Variants in KAZN observed in about 807,000 individuals in gnomAD.
KAZN encodes kazrin, periplakin interacting protein, also known as kazrin.
A neutral mutation model predicts 87.4 loss-of-function variants in KAZN; 40 were observed. The observed-to-expected ratio is 0.46, with a 90% CI of 0.36 to 0.60. The LOEUF is 0.60. Ranked by LOEUF, KAZN falls within the 20% of genes least tolerant of loss-of-function variation. KAZN has a pLI of 0.00. For missense variants in KAZN, 898 were observed against 1,073.9 expected (o/e 0.84, Z 2.29); for synonymous variants, 466 against 458.3 (o/e 1.02, Z -0.22).
At position 14,828,396 on chromosome 1, in the gene KAZN, G is replaced by A. The variant is rs979817213; in HGVS notation, c.227-132288G>A. Reference sequence around the variant, plus strand: ...TGTTGCAAATTATTAATGGAAAACCGTGTTTAAAAATTACAGCTATTATCG... The same window carrying A: ...TGTTGCAAATTATTAATGGAAAACCATGTTTAAAAATTACAGCTATTATCG... On this transcript the variant is annotated intron_variant, in intron 1 of 14. Coordinates refer to ENST00000376030, the MANE Select transcript of KAZN (RefSeq NM_201628.3). Among the ~76,000 whole-genome samples, 15 of 152,186 alleles carry A rather than the reference G, an allele frequency of 9.9e-5. No homozygotes were observed. In the South Asian group the frequency reaches 1.0e-3, roughly 11 times the overall value.
chr1:15,103,675 G>A (rs1641179318), intron 12 of KAZN, among the ~76,000 whole-genome samples: 1 of 151,394 alleles, frequency 6.6e-6, no homozygotes, highest in East Asian at 1.9e-4. Context: ...TTATTCAGGA[G>A]GAGGGAACTG....
intron 1 of KAZN, among the ~76,000 whole-genome samples, chr1:14,701,866 A>G (rs1355956594): frequency 1.3e-5 from 2 of 152,086 alleles, no homozygotes; most frequent in South Asian, 2.1e-4. Context: ...CACTGGCTGC[A>G]TTTCCTTACG....
chr1:14,913,050 A>G (rs1484180836), intron 1 of KAZN, among the ~76,000 whole-genome samples: 1 of 152,142 alleles, frequency 6.6e-6, no homozygotes, highest in East Asian at 1.9e-4. Flanking sequence ...TGATGGAAGG[A>G]GCTTGTTAAG....
chr1:15,016,797 T>C (rs1448907605), intron 2 of KAZN, among the ~76,000 whole-genome samples: 5 of 152,188 alleles, frequency 3.3e-5, no homozygotes. Flanking sequence ...ACATTCTTCC[T>C]CTCGGCATGT....
At chr1:13,966,520 G>A (rs1641951258) in intron 1 of KAZN, among the ~76,000 whole-genome samples, 1 of 152,172 alleles carries the variant, frequency 6.6e-6, no homozygotes, top group Admixed American at 6.5e-5. Context: ...TGACAAGGAA[G>A]CCCTGGCTTA....
intron 2 of KAZN, among the ~76,000 whole-genome samples, chr1:14,246,997 C>G (rs1028027294): frequency 6.6e-6 from 1 of 152,036 alleles, no homozygotes; most frequent in South Asian, 2.1e-4. Flanking sequence ...ATAGTTTGTT[C>G]GGTACTATAT....
At chr1:14,581,427 A>G (rs1675539930) in intron 2 of KAZN, among the ~76,000 whole-genome samples, 1 of 151,938 alleles carries the variant, frequency 6.6e-6, no homozygotes, top group Non-Finnish European at 1.5e-5. Context: ...TCTCGACTCC[A>G]TCACCACCTT....
chr1:15,089,694 C>T (rs1347809962), intron 8 of KAZN, among the ~76,000 whole-genome samples: 3 of 127,534 alleles, frequency 2.4e-5, no homozygotes, highest in Admixed American at 9.9e-5. Flanking sequence ...GCCATAGGTG[C>T]GTCTGGAGAG....
At chr1:14,504,034 G>A (rs997750599) in intron 2 of KAZN, among the ~76,000 whole-genome samples, 4 of 152,094 alleles carry the variant, frequency 2.6e-5, no homozygotes, top group Admixed American at 1.3e-4. Context: ...GCTGGCCTCC[G>A]AATTTTCACA....
intron 1 of KAZN, among the ~76,000 whole-genome samples, chr1:14,743,423 C>G (rs540019642): frequency 4.6e-5 from 6 of 131,678 alleles, no homozygotes; most frequent in Admixed American, 2.3e-4. Flanking sequence ...GAGCGAGACT[C>G]TGTCTCAAAA....
At chr1:14,645,882 T>A (rs1442060510) in intron 1 of KAZN, among the ~76,000 whole-genome samples, 1 of 152,192 alleles carries the variant, frequency 6.6e-6, no homozygotes, top group Non-Finnish European at 1.5e-5. Flanking sequence ...TGGCTGTGGA[T>A]TTGTCATAGA....
chr1:14,767,946 A>G (rs906927332), intron 1 of KAZN, among the ~76,000 whole-genome samples: 3 of 152,200 alleles, frequency 2.0e-5, no homozygotes, highest in South Asian at 2.1e-4. Context: ...GCAAAGTTCA[A>G]TCTTCCTTTC....
chr1:13,935,252 G>GTAGTAATAA (rs1553175647), intron 1 of KAZN, among the ~76,000 whole-genome samples: 6 of 147,078 alleles, frequency 4.1e-5, no homozygotes, highest in South Asian at 2.2e-4. Flanking sequence ...AGTAGTAGTA[G>GTAGTAATAA]TAATAATAAT....
At chr1:15,003,789 C>G (rs951618333) in intron 2 of KAZN, among the ~76,000 whole-genome samples, 6 of 152,174 alleles carry the variant, frequency 3.9e-5, no homozygotes, top group African/African-American at 1.4e-4. Context: ...GTTGGATACT[C>G]TTCCCCAGGT....
At chr1:14,664,810 C>A (rs528024466) in intron 1 of KAZN, among the ~76,000 whole-genome samples, 1 of 152,158 alleles carries the variant, frequency 6.6e-6, no homozygotes, top group Non-Finnish European at 1.5e-5. Context: ...CCCACCACCA[C>A]GCCTGGCTAA....
At chr1:14,901,829 CCT>C (rs886665101) in intron 1 of KAZN, among the ~76,000 whole-genome samples, 1 of 152,160 alleles carries the variant, frequency 6.6e-6, no homozygotes, top group Non-Finnish European at 1.5e-5. Flanking sequence ...CAGGGTTCCG[CCT>C]CTGTCTTTCT....
intron 1 of KAZN, among the ~76,000 whole-genome samples, chr1:14,647,918 C>A (rs138687724): frequency 5.8e-4 from 88 of 152,296 alleles, no homozygotes; most frequent in African/African-American, 2.1e-3. Flanking sequence ...ATTCTCCATT[C>A]GTTTCCTGTC....
At chr1:14,455,763 GAGGAA>G (rs1235314139) in intron 2 of KAZN, among the ~76,000 whole-genome samples, 2 of 152,148 alleles carry the variant, frequency 1.3e-5, no homozygotes, top group Non-Finnish European at 2.9e-5. Context: ...ACTCTAACCA[GAGGAA>G]TTCTTCAGGA....
chr1:14,816,169 A>C (rs1646557680), intron 1 of KAZN, among the ~76,000 whole-genome samples: 1 of 152,194 alleles, frequency 6.6e-6, no homozygotes, highest in South Asian at 2.1e-4. Context: ...TCAGGCACAT[A>C]GTAGCAATCT....
Sources: gnomAD v4.1 joint callset for allele counts (sites outside exome capture counted in the v4.1 genomes callset) on GRCh38, gnomAD v4.1.1 for gene constraint, MANE v1.5 for transcripts, NCBI Gene and HGNC (gene_info 2026-07-23, HGNC 2026-07-21) for gene names.